ABCC3: variants seen among roughly 807,000 people sequenced by gnomAD.
ABCC3 encodes the protein ATP binding cassette subfamily C member 3.
Under a neutral mutation model 165.3 loss-of-function variants are expected in ABCC3, and 121 were observed. The ratio of observed to expected loss-of-function variants is 0.73; its 90% confidence interval spans 0.63 to 0.85. ABCC3 has a LOEUF of 0.85. ABCC3 is among the 40% of genes least tolerant of loss of function. The pLI, the probability that ABCC3 is intolerant of heterozygous loss-of-function variation, is 0.00. For missense variants in ABCC3, 1,869 were observed against 1,964.1 expected, an observed-to-expected ratio of 0.95 and a Z score of 0.92; for synonymous variants, 733 against 810.1, an observed-to-expected ratio of 0.90 and a Z score of 1.62.
chr17:50,651,582 A>G (rs1347078364), intron 1 of ABCC3, among the ~76,000 whole-genome samples: 1 of 152,074 alleles, frequency 6.6e-6, no homozygotes, highest in African/African-American at 2.4e-5. Flanking sequence ...AATTAGCTGG[A>G]TGTGGTAGCT....
Position 50,665,234 on chromosome 17 carries a change from C to G in ABCC3, c.1420C>G (p.Arg474Gly), listed in dbSNP as rs761029730. 2 of 1,613,410 alleles carry G rather than the reference C, an allele frequency of 1.2e-6. No individual in the cohort carries two copies. Among genetic ancestry groups the G allele is most frequent in the Non-Finnish European group, 1.7e-6 (2 of 1,179,620 alleles). Reference sequence around the variant, plus strand: ...CAACGGAGCTGTGGCCGTGAAGATGCGCGCCTTCCAGGTAGGTGCTGTCAG... The same window carrying G: ...CAACGGAGCTGTGGCCGTGAAGATGGGCGCCTTCCAGGTAGGTGCTGTCAG... ...PLNGAVAVKM[R>G]AFQVKQMKLK... The change falls in exon 11 of 31, where the codon CGC becomes GGC. Residue 474 changes from arginine (R) to glycine (G), a missense_variant. Physicochemically the swap from Arg to Gly is moderately radical, Grantham distance 125. Coordinates refer to ENST00000285238, the MANE Select transcript of ABCC3 (RefSeq NM_003786.4).
Position 50,691,553 on chromosome 17 carries a change from T to C in ABCC3, c.*353T>C, listed in dbSNP as rs1968124368. 4.9e-6 allele frequency: 1 copy of C among 202,350 alleles called. No homozygotes were observed. The highest frequency in any genetic ancestry group is 1.2e-4 in the East Asian group (1 of 8,126). 12.5% of individuals were successfully genotyped at this position (202,350 alleles called of 1,614,324 possible). On this transcript the variant is annotated 3_prime_UTR_variant, in exon 31 of 31. Coordinates refer to ENST00000285238, the MANE Select transcript of ABCC3 (RefSeq NM_003786.4). ...TTCATATTTTCTAAAGTTTCGTTTC[T>C]GTTTTTTAATAAAAAGCTTTTTCCT...
rs1381653957 is a variant in ABCC3 at position 50,682,341 on chromosome 17, GA to G, written c.3808-1268del. Among the ~76,000 whole-genome samples the G allele has an allele frequency of 7.7e-3, 559 of 73,020 alleles. 7 individuals carry two copies. The highest frequency in any genetic ancestry group is 0.033 in the African/African-American group (546 of 16,478). 47.9% of individuals were successfully genotyped at this position (73,020 alleles called of 152,430 possible). A position where few individuals can be genotyped will look rare whatever the true frequency, so the allele number is the denominator to read the frequency against. On this transcript the variant is annotated intron_variant, in intron 26 of 30. Transcript: ENST00000285238. The stretch of plus-strand genomic sequence containing the variant: ...TCTATTCTGCTTGTAGCTGCCAAGA[GA>G]TTTAAAAAAAAAAAAAAAAAAAATC...
intron 13 of ABCC3, 100 bp downstream of exon 13, chr17:50,668,109 G>A: frequency 9.6e-7 from 1 of 1,047,048 alleles, no homozygotes; most frequent in South Asian, 1.5e-5. Flanking sequence ...GGGAGTTATT[G>A]GATTCAGGGA....
At chr17:50,669,978 T>A (rs1967613320) in intron 17 of ABCC3, among the ~76,000 whole-genome samples, 1 of 152,040 alleles carries the variant, frequency 6.6e-6, no homozygotes, top group African/African-American at 2.4e-5. Flanking sequence ...TAATTTTTTT[T>A]AGAGACAGCG....
chr17:50,663,007 CA>C (rs1967426847), intron 8 of ABCC3, among the ~76,000 whole-genome samples: 1 of 152,028 alleles, frequency 6.6e-6, no homozygotes, highest in African/African-American at 2.4e-5. Context: ...GGCTCGGGGG[CA>C]GGGGCAGCCT....
At chr17:50,654,840 C>T (rs986257881) in intron 1 of ABCC3, among the ~76,000 whole-genome samples, 3 of 151,546 alleles carry the variant, frequency 2.0e-5, no homozygotes, top group Non-Finnish European at 2.9e-5. Context: ...CGCCTGTAAT[C>T]CCAGCACTTT....
At chr17:50,680,385 G>A (rs1967906818) in intron 26 of ABCC3, among the ~76,000 whole-genome samples, 1 of 152,148 alleles carries the variant, frequency 6.6e-6, no homozygotes, top group Admixed American at 6.5e-5. Flanking sequence ...AAAAGGAGTT[G>A]TTCCCTACTG....
chr17:50,637,267 G>A (rs1431346083), intron 1 of ABCC3, among the ~76,000 whole-genome samples: 1 of 152,130 alleles, frequency 6.6e-6, no homozygotes, highest in African/African-American at 2.4e-5. Context: ...GGGAAGGAGC[G>A]TGGAGAGAGA....
In ABCC3 at chr17:50,665,209, C is replaced by A; in HGVS notation, c.1395C>A (p.Leu465=). The A allele has an allele frequency of 6.2e-7, 1 of 1,613,426 alleles. No individual in the cohort carries two copies. Among genetic ancestry groups the A allele is most frequent in the Non-Finnish European group, 8.5e-7 (1 of 1,179,572 alleles). The change falls in exon 11 of 31, where the codon CTC becomes CTA. Residue 465 remains leucine, a synonymous_variant. Coordinates refer to ENST00000285238, the MANE Select transcript of ABCC3 (RefSeq NM_003786.4). ...CTTTCATGGTCTTGCTGATTCCACTCAACGGAGCTGTGGCCGTGAAGATGC... is the reference window on the plus strand; with the variant it reads ...CTTTCATGGTCTTGCTGATTCCACTAAACGGAGCTGTGGCCGTGAAGATGC... The part of the protein sequence containing the change: ...GVAFMVLLIP[L]NGAVAVKMRA...
chr17:50,658,505 G>A lies in ABCC3; in HGVS notation c.674+9G>A. The A allele has an allele frequency of 6.2e-7, 1 of 1,612,544 alleles. No individual in the cohort carries two copies. The highest frequency in any genetic ancestry group is 1.1e-5 in the South Asian group (1 of 91,060). Reference sequence around the variant, plus strand: ...TTCTGGTGGTTCACAAAGTGAGTTGGCTCTTCCACCAGCCAGGCCAGAGGG... The same window carrying A: ...TTCTGGTGGTTCACAAAGTGAGTTGACTCTTCCACCAGCCAGGCCAGAGGG... On this transcript the variant is annotated intron_variant, in intron 6 of 30. Coordinates refer to ENST00000285238, the MANE Select transcript of ABCC3 (RefSeq NM_003786.4).
rs1567835768 is a variant in ABCC3, at chr17:50,674,040, CTTTCTTTCTTTCTTTCTTTCTT to C, written c.2599+384_2599+405del. ...TCTCTCTCTCTCTCTCTCTCTCTTT[CTTTCTTTCTTTCTTTCTTTCTT>C]TCTTTCTTTCTTTTTTTTCTTTTGA... On this transcript the variant is annotated intron_variant, in intron 19 of 30. Transcript: ENST00000285238. 5.2e-4 allele frequency among the ~76,000 whole-genome samples: 15 copies of C among 28,912 alleles called. 1 individual carries two copies. Among genetic ancestry groups the C allele is most frequent in the Non-Finnish European group, 8.0e-4 (13 of 16,332 alleles). The allele number at this position is 28,912 out of a possible 152,430, so 19.0% of individuals were successfully genotyped here.
At chr17:50,669,673 TATTA>T in intron 17 of ABCC3, 145 bp downstream of exon 17, 11 of 828,824 alleles carry the variant, frequency 1.3e-5, no homozygotes, top group Non-Finnish European at 1.9e-5. Flanking sequence ...GAAACAGATC[TATTA>T]GCAGATCTGT....
At chr17:50,664,778 C>T (rs1967484707) in intron 10 of ABCC3, 1 of 192,676 alleles carries the variant, frequency 5.2e-6, no homozygotes, top group Non-Finnish European at 1.1e-5. Flanking sequence ...AGGGATAGGA[C>T]TTCGAGGATG....
rs565723806 is a variant in ABCC3, at chr17:50,659,337, G to A, written c.775G>A (p.Ala259Thr). 111 of 1,612,298 alleles carry A rather than the reference G, an allele frequency of 6.9e-5. 1 individual carries two copies. The South Asian group carries it at 1.2e-3, about 17-fold the overall frequency. Residue 259 changes from alanine (A) to threonine (T), a missense_variant, in exon 7 of 31, where the codon GCA becomes ACA. Physicochemically the swap from Ala to Thr is moderately conservative, Grantham distance 58. Coordinates refer to ENST00000285238, the MANE Select transcript of ABCC3 (RefSeq NM_003786.4). The part of the protein sequence containing the change: ...SQMVVQQLLE[A>T]WRKQEKQTAR... ...GATGGTGGTGCAGCAGCTGCTGGAG[G>A]CATGGAGGAAGCAGGAAAAGCAGAC...
At position 50,637,666 on chromosome 17, in the gene ABCC3, G is replaced by A. The variant is rs150705522; in HGVS notation, c.45+2685G>A. On this transcript the variant is annotated intron_variant, in intron 1 of 30. Coordinates refer to ENST00000285238, the MANE Select transcript of ABCC3 (RefSeq NM_003786.4). Reference sequence around the variant, plus strand: ...TTCAGTTTCTCCACCAGTGGAATGGGAAATAACCCAACCCCTACCCACCTC... The same window carrying A: ...TTCAGTTTCTCCACCAGTGGAATGGAAAATAACCCAACCCCTACCCACCTC... Among the ~76,000 whole-genome samples the A allele has an allele frequency of 7.5e-4, 115 of 152,332 alleles. No homozygotes were observed. In the East Asian group the frequency reaches 0.019, roughly 26 times the overall value.
intron 26 of ABCC3, among the ~76,000 whole-genome samples, chr17:50,681,383 C>T (rs1431429142): frequency 6.6e-6 from 1 of 152,120 alleles, no homozygotes; most frequent in East Asian, 1.9e-4. Context: ...AGGAATCATC[C>T]CTTTCTGTTT....
chr17:50,643,860 A>G (rs1387929608), intron 1 of ABCC3, among the ~76,000 whole-genome samples: 3 of 151,958 alleles, frequency 2.0e-5, no homozygotes, highest in Non-Finnish European at 4.4e-5. Flanking sequence ...GGGGGTCTTG[A>G]GGACCAGGTT....
chr17:50,648,889 C>T (rs900687509), intron 1 of ABCC3, among the ~76,000 whole-genome samples: 30 of 151,996 alleles, frequency 2.0e-4, no homozygotes, highest in African/African-American at 6.5e-4. Context: ...CCGAGGCAGG[C>T]GGATCACTTG....
Sources: allele counts gnomAD v4.1 joint callset (sites outside exome capture counted in the v4.1 genomes callset), GRCh38; gene constraint gnomAD v4.1.1; transcripts MANE v1.5; gene names NCBI Gene and HGNC (gene_info 2026-07-23, HGNC 2026-07-21).